BICC1: variants seen among roughly 807,000 people sequenced by gnomAD.
BICC1 encodes the protein protein bicaudal C homolog 1.
Under a neutral mutation model 111.0 loss-of-function variants are expected in BICC1, and 43 were observed. The ratio of observed to expected loss-of-function variants is 0.39; its 90% CI spans 0.30 to 0.50. The LOEUF (loss-of-function observed/expected upper bound fraction) is 0.50. Among genes scored for constraint, BICC1 ranks in the 20% least tolerant of loss-of-function variants. The probability of loss-of-function intolerance (pLI) is 0.88; values close to 1 mark genes in which losing one functional copy is unlikely to be tolerated. For missense variants in BICC1, 1,091 were observed against 1,203.2 expected (o/e 0.91, Z 1.38); for synonymous variants, 467 against 434.4 (o/e 1.07, Z -0.93).
At position 58,632,684 on chromosome 10, in the gene BICC1, C is replaced by T. The variant is rs1003270120; in HGVS notation, c.237+11783C>T. ...GGCAGTTTAGATTAGATTAAGATGC[C>T]TTCCAGACCTGTGACTCCATGACCT... is the stretch of plus-strand genomic sequence containing the variant. On this transcript the variant is annotated intron_variant, in intron 2 of 20. Transcript: ENST00000373886. 2.0e-5 allele frequency among the ~76,000 whole-genome samples: 3 copies of T among 152,104 alleles called. No homozygotes were observed. The South Asian group carries it at 6.2e-4, about 31-fold the overall frequency.
intron 20 of BICC1, among the ~76,000 whole-genome samples, chr10:58,820,725 G>T (rs968760276): frequency 6.6e-6 from 1 of 152,020 alleles, no homozygotes; most frequent in African/African-American, 2.4e-5. Flanking sequence ...AACCAAAATC[G>T]CCCTATGCAG....
chr10:58,584,472 T>C (rs1844376071), intron 1 of BICC1, among the ~76,000 whole-genome samples: 1 of 152,146 alleles, frequency 6.6e-6, no homozygotes, highest in South Asian at 2.1e-4. Context: ...GACTGCTCTG[T>C]GAATGTATAT....
chr10:58,519,862 A>G (rs1211934538), intron 1 of BICC1, among the ~76,000 whole-genome samples: 1 of 152,100 alleles, frequency 6.6e-6, no homozygotes, highest in African/African-American at 2.4e-5. Context: ...TTTTCCATAG[A>G]AAATTACATG....
intron 3 of BICC1, among the ~76,000 whole-genome samples, chr10:58,766,149 C>T (rs1239579610): frequency 1.3e-5 from 2 of 152,160 alleles, no homozygotes; most frequent in African/African-American, 2.4e-5. Flanking sequence ...GTATCACTCT[C>T]CAGTTATATT....
chr10:58,816,750 T>C (rs1273628303), intron 18 of BICC1, among the ~76,000 whole-genome samples: 1 of 12,270 alleles, frequency 8.1e-5, no homozygotes, highest in African/African-American at 2.9e-4. Context: ...CAAGGCTGTG[T>C]GTGTGTGTGT....
intron 2 of BICC1, among the ~76,000 whole-genome samples, chr10:58,647,390 G>A (rs74529270): frequency 6.6e-6 from 1 of 152,058 alleles, no homozygotes; most frequent in South Asian, 2.1e-4. Context: ...AAATAACTTC[G>A]CTGCTTTGGA....
At chr10:58,580,398 A>G (rs1844248471) in intron 1 of BICC1, among the ~76,000 whole-genome samples, 1 of 152,208 alleles carries the variant, frequency 6.6e-6, no homozygotes, top group South Asian at 2.1e-4. Flanking sequence ...TCTAAAATTC[A>G]AAACTTTCTG....
intron 2 of BICC1, among the ~76,000 whole-genome samples, chr10:58,694,294 C>A (rs1195636363): frequency 6.6e-6 from 1 of 152,196 alleles, no homozygotes; most frequent in East Asian, 1.9e-4. Context: ...GTCATCATGA[C>A]TACTTGCGTT....
intron 2 of BICC1, among the ~76,000 whole-genome samples, chr10:58,682,174 A>T (rs1281095745): frequency 2.0e-5 from 3 of 151,950 alleles, no homozygotes; most frequent in African/African-American, 7.3e-5. Flanking sequence ...AGCTTCATCC[A>T]TGTCCCTACA....
chr10:58,539,683 A>G (rs1842911566), intron 1 of BICC1, among the ~76,000 whole-genome samples: 1 of 151,960 alleles, frequency 6.6e-6, no homozygotes, highest in Non-Finnish European at 1.5e-5. Context: ...GAGAAATAGT[A>G]ACATAATAAT....
chr10:58,740,781 C>A (rs989564600), intron 3 of BICC1, among the ~76,000 whole-genome samples: 18 of 152,038 alleles, frequency 1.2e-4, no homozygotes, highest in Non-Finnish European at 2.5e-4. Context: ...TTTGAGTTGG[C>A]CTTGAAGGAT....
At chr10:58,756,469 C>T (rs1269262896) in intron 3 of BICC1, among the ~76,000 whole-genome samples, 2 of 152,068 alleles carry the variant, frequency 1.3e-5, no homozygotes, top group Non-Finnish European at 2.9e-5. Context: ...TATTTAGGAC[C>T]AGTTTACTGA....
chr10:58,749,177 T>A (rs1841918306), intron 3 of BICC1, among the ~76,000 whole-genome samples: 1 of 152,132 alleles, frequency 6.6e-6, no homozygotes, highest in Non-Finnish European at 1.5e-5. Flanking sequence ...CATGATTTCT[T>A]CTTTGTATCC....
chr10:58,546,648 A>T (rs1843144857), intron 1 of BICC1, among the ~76,000 whole-genome samples: 1 of 152,126 alleles, frequency 6.6e-6, no homozygotes, highest in Non-Finnish European at 1.5e-5. Context: ...AATGGCTCTC[A>T]TAGTTGCAGG....
chr10:58,697,660 A>G (rs1252246263), intron 2 of BICC1, among the ~76,000 whole-genome samples: 1 of 152,168 alleles, frequency 6.6e-6, no homozygotes, highest in Non-Finnish European at 1.5e-5. Flanking sequence ...TTGTGGATAC[A>G]GAACCTCTGA....
At chr10:58,758,391 T>TA (rs1185576840) in intron 3 of BICC1, among the ~76,000 whole-genome samples, 1 of 152,190 alleles carries the variant, frequency 6.6e-6, no homozygotes, top group Non-Finnish European at 1.5e-5. Context: ...TGCTACTGAA[T>TA]AAAAAATGGA....
intron 1 of BICC1, among the ~76,000 whole-genome samples, chr10:58,575,422 T>C (rs1159240917): frequency 2.0e-5 from 3 of 152,152 alleles, no homozygotes; most frequent in Non-Finnish European, 4.4e-5. Context: ...CTATCTCCAT[T>C]TTATAGTCGA....
At chr10:58,596,564 A>C (rs1844820578) in intron 1 of BICC1, among the ~76,000 whole-genome samples, 1 of 152,216 alleles carries the variant, frequency 6.6e-6, no homozygotes, top group Admixed American at 6.5e-5. Context: ...TGGCCAGGGC[A>C]ATCAGGCAAG....
intron 1 of BICC1, among the ~76,000 whole-genome samples, chr10:58,594,585 A>G (rs1055249557): frequency 1.1e-4 from 17 of 152,206 alleles, no homozygotes; most frequent in African/African-American, 3.6e-4. Context: ...ATTCTTAAAG[A>G]AAAGAATTTT....
Sources: allele counts gnomAD v4.1 joint callset (sites outside exome capture counted in the v4.1 genomes callset), GRCh38; gene constraint gnomAD v4.1.1; transcripts MANE v1.5; gene names NCBI Gene and HGNC (gene_info 2026-07-23, HGNC 2026-07-21).